Variants in SCTR observed in about 807,000 individuals in gnomAD.
The protein encoded by SCTR is secretin receptor, also known as pancreatic secretin receptor.
In SCTR, 56 loss-of-function variants were observed where a neutral mutation model predicts 60.8. The observed-to-expected ratio is 0.92, with a 90% CI of 0.74 to 1.15. The LOEUF (loss-of-function observed/expected upper bound fraction) is 1.15, where lower values mean the gene tolerates loss of function less well. SCTR is among the 50% of genes most tolerant of loss of function. SCTR has a pLI of 0.00. For synonymous variants in SCTR, 202 were observed against 217.0 expected, an observed-to-expected ratio of 0.93 and a Z score of 0.61; for missense variants, 562 against 550.4, an observed-to-expected ratio of 1.02 and a Z score of -0.21.
At chr2:119,447,093 G>A (rs1682962517) in intron 10 of SCTR, among the ~76,000 whole-genome samples, 1 of 151,558 alleles carries the variant, frequency 6.6e-6, no homozygotes. Flanking sequence ...TTGACTCATG[G>A]CAAAGCCCCA....
At chr2:119,479,335 A>T in intron 2 of SCTR, 1 of 970,574 alleles carries the variant, frequency 1.0e-6, no homozygotes, top group Non-Finnish European at 1.2e-6. Flanking sequence ...CTTTAGAAAT[A>T]GACCTAGCCG....
intron 1 of SCTR, among the ~76,000 whole-genome samples, chr2:119,495,237 C>A (rs1298845224): frequency 6.6e-6 from 1 of 152,202 alleles, no homozygotes; most frequent in Non-Finnish European, 1.5e-5. Flanking sequence ...TAGGCATGAG[C>A]CACTGTGTCC....
intron 7 of SCTR, among the ~76,000 whole-genome samples, chr2:119,454,822 C>G (rs2104780877): frequency 6.7e-6 from 1 of 149,144 alleles, no homozygotes; most frequent in African/African-American, 2.5e-5. Flanking sequence ...CCACTGCGCT[C>G]CAGCCTGGGT....
At chr2:119,446,921 C>T (rs774836059) in intron 10 of SCTR, 36 bp from the exon 11 acceptor site, 2 of 1,408,534 alleles carry the variant, frequency 1.4e-6, no homozygotes, top group Non-Finnish European at 1.9e-6. Flanking sequence ...TCCACTCTGC[C>T]TCCCTGCGCC....
In SCTR at chr2:119,446,989, A is replaced by T. The variant is rs935804343; in HGVS notation, c.1014-104T>A. The stretch of plus-strand genomic sequence containing the variant: ...CTCCCCAGCTCGGGACTGACTGCTG[A>T]GGCTGGCTAGCAGTACCCCAAACTT... On this transcript the variant is annotated intron_variant, in intron 10 of 12. Transcript: ENST00000019103. 17 of 1,233,158 alleles carry T rather than the reference A, an allele frequency of 1.4e-5. 1 individual carries two copies. The African/African-American group carries it at 2.5e-4, about 18-fold the overall frequency. 76.4% of individuals were successfully genotyped at this position (1,233,158 alleles called of 1,614,324 possible). A position where few individuals can be genotyped will look rare whatever the true frequency, so the allele number is the denominator to read the frequency against.
intron 8 of SCTR, among the ~76,000 whole-genome samples, 153 bp from the exon 9 acceptor site, chr2:119,452,232 A>G (rs1457477016): frequency 6.6e-6 from 1 of 151,072 alleles, no homozygotes; most frequent in African/African-American, 2.4e-5. Context: ...CCATTAGAAC[A>G]CCCCCTCCTG....
At chr2:119,524,118 C>T (rs2104970589) in intron 1 of SCTR, 37 bp downstream of exon 1, 1 of 1,521,340 alleles carries the variant, frequency 6.6e-7, no homozygotes, top group Non-Finnish European at 8.9e-7. Flanking sequence ...CTGTCGCTCC[C>T]TCGGGTCCCC....
At chr2:119,513,750 G>A (rs943438458) in intron 1 of SCTR, among the ~76,000 whole-genome samples, 8 of 152,140 alleles carry the variant, frequency 5.3e-5, no homozygotes, top group Admixed American at 4.6e-4. Flanking sequence ...TCAAGGTTCT[G>A]AAGAGAACGG....
intron 1 of SCTR, among the ~76,000 whole-genome samples, chr2:119,516,681 C>T (rs766722316): frequency 1.3e-5 from 2 of 151,984 alleles, no homozygotes; most frequent in Non-Finnish European, 2.9e-5. Context: ...TGTATCGGGC[C>T]GGGTGTGGTG....
At chr2:119,484,941 G>A (rs1416676526) in intron 2 of SCTR, among the ~76,000 whole-genome samples, 4 of 152,226 alleles carry the variant, frequency 2.6e-5, no homozygotes. Flanking sequence ...CCCTGAGGAG[G>A]TGGGATGGCC....
intron 2 of SCTR, among the ~76,000 whole-genome samples, chr2:119,485,214 G>C (rs1677812626): frequency 6.6e-6 from 1 of 152,252 alleles, no homozygotes; most frequent in African/African-American, 2.4e-5. Flanking sequence ...AATGCAATCA[G>C]AATTAAAGTC....
intron 12 of SCTR, 86 bp downstream of exon 12, chr2:119,441,472 A>T (rs887107707): frequency 1.9e-6 from 2 of 1,080,260 alleles, no homozygotes; most frequent in African/African-American, 3.1e-5. Context: ...CCCCCTTCCT[A>T]CCACCCCTCC....
Position 119,464,213 on chromosome 2 carries a change from G to T in SCTR, c.546C>A (p.Phe182Leu). 6.2e-7 allele frequency: 1 copy of T among 1,614,170 alleles called. No homozygotes were observed. Among genetic ancestry groups the T allele is most frequent in the Non-Finnish European group, 8.5e-7 (1 of 1,180,012 alleles). Reference protein sequence around the residue: ...CTRNYIHMHLFVSFILRALSN... With the variant: ...CTRNYIHMHLLVSFILRALSN... ...ACAGGGCACGAAGGATGAAGGACACGAACAGGTGCATGTGGATGTAGTTGC... is the reference window on the plus strand; with the variant it reads ...ACAGGGCACGAAGGATGAAGGACACTAACAGGTGCATGTGGATGTAGTTGC... The change falls in exon 6 of 13, where the codon TTC becomes TTA. Residue 182 changes from phenylalanine (F) to leucine (L), a missense_variant. Coordinates refer to ENST00000019103, the MANE Select transcript of SCTR (RefSeq NM_002980.3).
intron 4 of SCTR, among the ~76,000 whole-genome samples, chr2:119,472,745 G>A (rs756519128): frequency 2.9e-4 from 44 of 152,128 alleles, no homozygotes; most frequent in Admixed American, 7.2e-4. Flanking sequence ...CAGCTCAGGC[G>A]ATCCTCCTGC....
intron 2 of SCTR, 93 bp from the exon 3 acceptor site, chr2:119,479,011 G>T (rs1254695665): frequency 2.3e-5 from 36 of 1,557,522 alleles, no homozygotes; most frequent in Non-Finnish European, 3.0e-5. Flanking sequence ...TGCCTGCCTG[G>T]AATTCCCACT....
chr2:119,461,319 T>C (rs759040866), intron 7 of SCTR, among the ~76,000 whole-genome samples: 35 of 152,232 alleles, frequency 2.3e-4, no homozygotes, highest in Non-Finnish European at 2.8e-4. Context: ...TAAAAAGCTC[T>C]AGATGCCAGA....
chr2:119,516,923 G>A (rs1027098828), intron 1 of SCTR, among the ~76,000 whole-genome samples: 5 of 152,110 alleles, frequency 3.3e-5, no homozygotes, highest in African/African-American at 7.2e-5. Context: ...AGCTGAGATC[G>A]CACCATTGCA....
chr2:119,456,041 T>G (rs1407451527), intron 7 of SCTR, among the ~76,000 whole-genome samples: 1 of 149,336 alleles, frequency 6.7e-6, no homozygotes, highest in African/African-American at 2.5e-5. Flanking sequence ...CTCAAAATTC[T>G]GGGGAAAATG....
At chr2:119,463,987 G>T in intron 6 of SCTR, 136 bp downstream of exon 6, 1 of 892,604 alleles carries the variant, frequency 1.1e-6, no homozygotes, top group Middle Eastern at 2.9e-4. Context: ...GTCAGCACTG[G>T]CTGCTTTATC....
Sources: gnomAD v4.1 joint callset for allele counts (sites outside exome capture counted in the v4.1 genomes callset) on GRCh38, gnomAD v4.1.1 for gene constraint, MANE v1.5 for transcripts, NCBI Gene and HGNC (gene_info 2026-07-23, HGNC 2026-07-21) for gene names.